MDGA2: variants seen among roughly 807,000 people sequenced by gnomAD.
MDGA2 encodes the protein MAM domain containing glycosylphosphatidylinositol anchor 2.
A neutral mutation model predicts 117.8 loss-of-function variants in MDGA2; 40 were observed. That is an observed-to-expected ratio of 0.34 (90% CI 0.26 to 0.44). The LOEUF (loss-of-function observed/expected upper bound fraction) is 0.44, where lower values mean the gene tolerates loss of function less well. MDGA2 is among the 20% of genes least tolerant of loss of function. MDGA2 has a pLI of 1.00. For missense variants in MDGA2, 1,123 were observed against 1,250.6 expected, an observed-to-expected ratio of 0.90 and a Z score of 1.54; for synonymous variants, 452 against 439.0, an observed-to-expected ratio of 1.03 and a Z score of -0.37.
intron 1 of MDGA2, chr14:47,343,209 G>A: frequency 5.3e-6 from 6 of 1,129,566 alleles, no homozygotes; most frequent in Non-Finnish European, 6.6e-6. Flanking sequence ...AAGGAATGGT[G>A]ATTTTTTTTG....
At chr14:47,233,157 A>T (rs1480931858) in intron 2 of MDGA2, among the ~76,000 whole-genome samples, 1 of 152,092 alleles carries the variant, frequency 6.6e-6, no homozygotes, top group Non-Finnish European at 1.5e-5. Context: ...CTATGTCACC[A>T]GTTCATCTAT....
chr14:47,404,433 G>T (rs1243825684), intron 1 of MDGA2, among the ~76,000 whole-genome samples: 2 of 151,910 alleles, frequency 1.3e-5, no homozygotes, highest in African/African-American at 2.4e-5. Flanking sequence ...TGATCCGCCT[G>T]CCTTGGGCTC....
At chr14:47,045,419 C>CT (rs1889221950) in intron 7 of MDGA2, among the ~76,000 whole-genome samples, 1 of 152,122 alleles carries the variant, frequency 6.6e-6, no homozygotes, top group East Asian at 1.9e-4. Flanking sequence ...ATAGTTCTTT[C>CT]TTTTTTTAAC....
chr14:47,053,687 A>G (rs1431792527), intron 7 of MDGA2, among the ~76,000 whole-genome samples: 1 of 148,256 alleles, frequency 6.7e-6, no homozygotes, highest in African/African-American at 2.5e-5. Flanking sequence ...ATATACACAC[A>G]CACATATATG....
chr14:47,288,300 A>G lies in MDGA2; in HGVS notation c.420+13111T>C, dbSNP rs75209098. 2.5e-3 allele frequency among the ~76,000 whole-genome samples: 382 copies of G among 152,320 alleles called. 3 individuals are homozygous for G. Among genetic ancestry groups the G allele is most frequent in the African/African-American group, 8.8e-3 (367 of 41,582 alleles). Reference sequence around the variant, plus strand: ...GCTATTTCAGAAAATTCTTTTCAAAATGACCTGTAAGTTTGACTGACTACA... The same window carrying G: ...GCTATTTCAGAAAATTCTTTTCAAAGTGACCTGTAAGTTTGACTGACTACA... On this transcript the variant is annotated intron_variant, in intron 2 of 16. Coordinates refer to ENST00000399232, the MANE Select transcript of MDGA2 (RefSeq NM_001113498.3).
intron 1 of MDGA2, among the ~76,000 whole-genome samples, chr14:47,466,586 G>A (rs1893609011): frequency 6.6e-6 from 1 of 152,056 alleles, no homozygotes; most frequent in Non-Finnish European, 1.5e-5. Flanking sequence ...ACAATACAGG[G>A]ATGTCCATGG....
At position 47,675,021 on chromosome 14, in the gene MDGA2, G is replaced by A; in HGVS notation, c.-225C>T. 2 of 240,562 alleles carry A rather than the reference G, an allele frequency of 8.3e-6. 1 individual carries two copies. Among genetic ancestry groups the A allele is most frequent in the Non-Finnish European group, 1.6e-5 (2 of 127,574 alleles). The allele number at this position is 240,562 out of a possible 1,614,324, so 14.9% of individuals were successfully genotyped here. On this transcript the variant is annotated 5_prime_UTR_variant, in exon 1 of 17. Coordinates refer to ENST00000399232, the MANE Select transcript of MDGA2 (RefSeq NM_001113498.3). Reference sequence around the variant, plus strand: ...GCGGCGGCGGCGCGCTGGGCCGGCGGCGGGCGCGGGCAGGGGGCCGGGGGT... The same window carrying A: ...GCGGCGGCGGCGCGCTGGGCCGGCGACGGGCGCGGGCAGGGGGCCGGGGGT...
chr14:47,373,369 A>T (rs1891407734), intron 1 of MDGA2, among the ~76,000 whole-genome samples: 1 of 152,146 alleles, frequency 6.6e-6, no homozygotes, highest in African/African-American at 2.4e-5. Context: ...ACATAAACTC[A>T]TTAACAAACA....
At chr14:47,625,468 T>C (rs761144108) in intron 1 of MDGA2, among the ~76,000 whole-genome samples, 138 of 152,332 alleles carry the variant, frequency 9.1e-4, no homozygotes, top group Non-Finnish European at 1.5e-3. Flanking sequence ...CTAACAGCAA[T>C]GTTACACAAA....
chr14:46,882,110 C>T lies in MDGA2; in HGVS notation c.2350G>A (p.Val784Ile). 2 of 1,612,212 alleles carry T rather than the reference C, an allele frequency of 1.2e-6. No homozygotes were observed. The highest frequency in any genetic ancestry group is 1.7e-6 in the Non-Finnish European group (2 of 1,178,840). Residue 784 changes from valine to isoleucine, a missense_variant, in exon 11 of 17, where the codon GTC becomes ATC. Val to Ile is a conservative substitution (Grantham distance 29). Around this residue, in one of 2 missense-constraint regions of MDGA2, gnomAD observed 890 missense variants for 1,050.3 expected, o/e 0.85. Coordinates refer to ENST00000399232, the MANE Select transcript of MDGA2 (RefSeq NM_001113498.3). ...AATTTGGTGAGAGGAGTCAGTCGGA[C>T]TTCATAAGCTTCTGGTTTAATTAGC... ...TELIKPEAYE[V>I]RLTPLTKFGE...
chr14:47,269,849 T>C lies in MDGA2; in HGVS notation c.420+31562A>G, dbSNP rs529641304. 7.2e-5 allele frequency among the ~76,000 whole-genome samples: 11 copies of C among 152,274 alleles called. No homozygotes were observed. The Middle Eastern group carries it at 0.01, about 141-fold the overall frequency. ...TTTTCATCTATATTCTTAGATTCTT[T>C]CAACATATGACAAAAGAGACTGATG... On this transcript the variant is annotated intron_variant, in intron 2 of 16. Transcript: ENST00000399232.
At chr14:47,627,227 A>G (rs944202197) in intron 1 of MDGA2, among the ~76,000 whole-genome samples, 8 of 152,000 alleles carry the variant, frequency 5.3e-5, no homozygotes, top group African/African-American at 1.9e-4. Context: ...TGAATGCACC[A>G]ATTGGCACTC....
chr14:47,222,037 A>C (rs1886323306), intron 2 of MDGA2, among the ~76,000 whole-genome samples: 2 of 152,124 alleles, frequency 1.3e-5, no homozygotes, highest in South Asian at 2.1e-4. Flanking sequence ...CATTCTATGC[A>C]ATAGACCACT....
intron 1 of MDGA2, among the ~76,000 whole-genome samples, chr14:47,376,214 C>A (rs550767447): frequency 1.3e-5 from 2 of 152,040 alleles, no homozygotes; most frequent in East Asian, 3.9e-4. Flanking sequence ...ATTTTGAAAA[C>A]CTGTGTGAAT....
intron 1 of MDGA2, among the ~76,000 whole-genome samples, chr14:47,589,236 T>G (rs1004110132): frequency 3.9e-5 from 6 of 151,988 alleles, no homozygotes; most frequent in African/African-American, 1.4e-4. Context: ...TTTGATGTTG[T>G]TTCTAAGAAA....
intron 14 of MDGA2, among the ~76,000 whole-genome samples, chr14:46,866,649 A>G (rs1881774444): frequency 6.6e-6 from 1 of 151,992 alleles, no homozygotes; most frequent in Non-Finnish European, 1.5e-5. Context: ...TCATCTGACA[A>G]AGGGCTAATA....
At chr14:46,893,918 A>C (rs904541231) in intron 10 of MDGA2, among the ~76,000 whole-genome samples, 1 of 152,074 alleles carries the variant, frequency 6.6e-6, no homozygotes, top group East Asian at 1.9e-4. Context: ...TTAGACTTCT[A>C]TGTATATGTC....
chr14:47,666,547 A>C (rs1897971121), intron 1 of MDGA2, among the ~76,000 whole-genome samples: 1 of 152,180 alleles, frequency 6.6e-6, no homozygotes, highest in African/African-American at 2.4e-5. Flanking sequence ...TAGCTCAGGG[A>C]TTTTAAACGC....
chr14:47,600,402 C>T (rs1054368115), intron 1 of MDGA2, among the ~76,000 whole-genome samples: 1 of 151,954 alleles, frequency 6.6e-6, no homozygotes, highest in Admixed American at 6.6e-5. Context: ...CCACCACACT[C>T]CAGCTCGGAT....
Sources: allele counts gnomAD v4.1 joint callset (sites outside exome capture counted in the v4.1 genomes callset), GRCh38; gene constraint gnomAD v4.1.1; regional missense constraint gnomAD v4.1.1; transcripts MANE v1.5; gene names NCBI Gene and HGNC (gene_info 2026-07-23, HGNC 2026-07-21).